The following TNKS variants were observed in gnomAD, a reference collection of about 807,000 sequenced individuals.
TNKS encodes poly [ADP-ribose] polymerase tankyrase-1.
Under a neutral mutation model 135.8 loss-of-function variants are expected in TNKS, and 72 were observed. The ratio of observed to expected loss-of-function variants is 0.53; its 90% CI spans 0.44 to 0.64. TNKS has a LOEUF of 0.64. Among genes scored for constraint, TNKS ranks in the 30% least tolerant of loss-of-function variants. TNKS has a pLI of 0.00. For synonymous variants in TNKS, 849 were observed against 649.3 expected (o/e 1.31, Z -4.68); for missense variants, 1,769 against 1,674.0 (o/e 1.06, Z -0.99).
intron 5 of TNKS, among the ~76,000 whole-genome samples, chr8:9,695,152 A>G (rs1294572915): frequency 6.6e-6 from 1 of 152,208 alleles, no homozygotes; most frequent in Non-Finnish European, 1.5e-5. Flanking sequence ...TCAGTGGGGA[A>G]ATCAAAAGAT....
chr8:9,623,847 CA>C (rs1437234553), intron 3 of TNKS, among the ~76,000 whole-genome samples: 1 of 151,952 alleles, frequency 6.6e-6, no homozygotes, highest in East Asian at 1.9e-4. Context: ...ACCAAAAATA[CA>C]AAATTTAGCT....
In TNKS at chr8:9,777,556, A is replaced by G. The variant is rs972742914; in HGVS notation, c.*820A>G. 1.1e-4 allele frequency: 16 copies of G among 152,198 alleles called. 1 individual carries two copies. Among genetic ancestry groups the G allele is most frequent in the African/African-American group, 3.9e-4 (16 of 41,440 alleles). 9.4% of individuals were successfully genotyped at this position (152,198 alleles called of 1,614,324 possible). On this transcript the variant is annotated 3_prime_UTR_variant, in exon 27 of 27. Transcript: ENST00000310430. ...AGCCTGCCACAGAGGTCTTCGGGAC[A>G]GTACTGGAGATGCAGGTTGACACGG... is the stretch of plus-strand genomic sequence containing the variant.
Position 9,779,864 on chromosome 8 carries a change from G to A in TNKS, c.*3128G>A, listed in dbSNP as rs999075547. On this transcript the variant is annotated 3_prime_UTR_variant, in exon 27 of 27. Coordinates refer to ENST00000310430, the MANE Select transcript of TNKS (RefSeq NM_003747.3). Reference sequence around the variant, plus strand: ...TCTTGTTTTCCTTTTCCTTCTTGGAGTTTGGAATTTCTAGCTTTTCAAGCA... The same window carrying A: ...TCTTGTTTTCCTTTTCCTTCTTGGAATTTGGAATTTCTAGCTTTTCAAGCA... The A allele has an allele frequency of 2.6e-5, 4 of 152,178 alleles. No individual in the cohort carries two copies. Among genetic ancestry groups the A allele is most frequent in the African/African-American group, 9.7e-5 (4 of 41,438 alleles). The allele number at this position is 152,178 out of a possible 1,614,324, so 9.4% of individuals were successfully genotyped here.
chr8:9,725,667 A>G (rs934675127), intron 12 of TNKS, among the ~76,000 whole-genome samples: 5 of 152,212 alleles, frequency 3.3e-5, no homozygotes, highest in African/African-American at 1.2e-4. Flanking sequence ...CCAAAGTTGT[A>G]GATTATAGAG....
At chr8:9,753,106 T>A (rs922308506) in intron 20 of TNKS, among the ~76,000 whole-genome samples, 1 of 152,206 alleles carries the variant, frequency 6.6e-6, no homozygotes, top group Non-Finnish European at 1.5e-5. Flanking sequence ...CCCAAAATTG[T>A]CTAACAAATG....
chr8:9,568,860 G>A (rs1195105382), intron 1 of TNKS, among the ~76,000 whole-genome samples: 2 of 152,148 alleles, frequency 1.3e-5, no homozygotes, highest in African/African-American at 4.8e-5. Flanking sequence ...TAGTTGCAAC[G>A]TAGAATCTGA....
intron 3 of TNKS, among the ~76,000 whole-genome samples, chr8:9,635,683 C>G (rs1800483148): frequency 6.6e-6 from 1 of 152,128 alleles, no homozygotes; most frequent in Non-Finnish European, 1.5e-5. Flanking sequence ...GATGTAATAC[C>G]TGAGAAGGTC....
chr8:9,627,540 A>ATTGC (rs36130596), intron 3 of TNKS, among the ~76,000 whole-genome samples: 14,859 of 148,256 alleles, frequency 0.1, 874 homozygotes, highest in East Asian at 0.24. Flanking sequence ...CTGTGGCAAA[A>ATTGC]TTGCTTGCTT....
intron 8 of TNKS, among the ~76,000 whole-genome samples, chr8:9,707,783 G>T (rs1202617551): frequency 6.6e-6 from 1 of 152,102 alleles, no homozygotes; most frequent in Admixed American, 6.5e-5. Context: ...TTCAAGCTCT[G>T]CATTTCTCCC....
intron 3 of TNKS, among the ~76,000 whole-genome samples, chr8:9,654,662 T>C (rs1200739586): frequency 6.6e-6 from 1 of 152,260 alleles, no homozygotes; most frequent in Non-Finnish European, 1.5e-5. Context: ...GCTGTACCTC[T>C]AGATGATAGA....
At chr8:9,726,202 G>A (rs183642456) in intron 12 of TNKS, among the ~76,000 whole-genome samples, 5 of 152,208 alleles carry the variant, frequency 3.3e-5, no homozygotes, top group Admixed American at 6.5e-5. Context: ...ACCAGCCTGG[G>A]CAACATGGTG....
intron 3 of TNKS, among the ~76,000 whole-genome samples, chr8:9,669,524 A>T (rs1802172869): frequency 1.3e-5 from 2 of 152,146 alleles, no homozygotes; most frequent in African/African-American, 4.8e-5. Context: ...TGTTAGGTTA[A>T]TGTGTAACTA....
At chr8:9,753,234 C>T (rs1029788204) in intron 20 of TNKS, among the ~76,000 whole-genome samples, 33 of 152,136 alleles carry the variant, frequency 2.2e-4, no homozygotes, top group African/African-American at 8.0e-4. Context: ...TTGTTTGTTT[C>T]CGAAAAATGT....
At chr8:9,607,072 G>C (rs1396483894) in intron 2 of TNKS, among the ~76,000 whole-genome samples, 1 of 151,982 alleles carries the variant, frequency 6.6e-6, no homozygotes, top group East Asian at 1.9e-4. Flanking sequence ...AAAAATTATT[G>C]AGCGTTCCAC....
At chr8:9,681,956 C>G (rs76292026) in intron 5 of TNKS, among the ~76,000 whole-genome samples, 3 of 152,082 alleles carry the variant, frequency 2.0e-5, no homozygotes, top group African/African-American at 7.2e-5. Context: ...GAGACTTCTA[C>G]TTTCATAGAA....
At chr8:9,594,349 C>T (rs1461601157) in intron 2 of TNKS, among the ~76,000 whole-genome samples, 2 of 152,092 alleles carry the variant, frequency 1.3e-5, no homozygotes, top group East Asian at 3.8e-4. Flanking sequence ...CTTGCATGGT[C>T]CAGTGTGATA....
rs1024197234 is a variant in TNKS, at chr8:9,571,755, C to T, written c.674-8404C>T. On this transcript the variant is annotated intron_variant, in intron 1 of 26. Coordinates refer to ENST00000310430, the MANE Select transcript of TNKS (RefSeq NM_003747.3). ...CTGGGATCACAGACGTGAGCCACCG[C>T]GCCCGGGGATTCCATGTTGTTGCCA... is the stretch of plus-strand genomic sequence containing the variant. 9.2e-5 allele frequency among the ~76,000 whole-genome samples: 14 copies of T among 152,272 alleles called. 1 individual carries two copies. The highest frequency in any genetic ancestry group is 8.3e-4 in the South Asian group (4 of 4,828).
chr8:9,598,268 T>G (rs1798868933), intron 2 of TNKS, among the ~76,000 whole-genome samples: 2 of 152,004 alleles, frequency 1.3e-5, no homozygotes. Flanking sequence ...AGGATGGTCT[T>G]GATCTCCTGA....
intron 1 of TNKS, among the ~76,000 whole-genome samples, chr8:9,576,008 C>T (rs530885060): frequency 6.6e-6 from 1 of 152,236 alleles, no homozygotes; most frequent in South Asian, 2.1e-4. Context: ...AAAGGGCACT[C>T]TTCCTCCCAC....
Sources: allele counts gnomAD v4.1 joint callset (sites outside exome capture counted in the v4.1 genomes callset), GRCh38; gene constraint gnomAD v4.1.1; transcripts MANE v1.5; gene names NCBI Gene and HGNC (gene_info 2026-07-23, HGNC 2026-07-21).